TBCK: variants seen among roughly 807,000 people sequenced by gnomAD.
The protein encoded by TBCK is TBC1 domain containing kinase, also known as TBC domain-containing protein kinase-like protein.
Under a neutral mutation model 113.4 loss-of-function variants are expected in TBCK, and 99 were observed. The ratio of observed to expected loss-of-function variants is 0.87; its 90% CI spans 0.74 to 1.03. The LOEUF (loss-of-function observed/expected upper bound fraction) is 1.03, where lower values mean the gene tolerates loss of function less well. TBCK is among the 50% of genes least tolerant of loss of function. The pLI is 0.00. For synonymous variants in TBCK, 369 were observed against 370.8 expected, an observed-to-expected ratio of 1.00 and a Z score of 0.05; for missense variants, 1,045 against 1,061.3, an observed-to-expected ratio of 0.98 and a Z score of 0.21.
intron 3 of TBCK, among the ~76,000 whole-genome samples, chr4:106,274,517 A>G (rs544226663): frequency 6.6e-6 from 1 of 152,346 alleles, no homozygotes; most frequent in South Asian, 2.1e-4. Context: ...GTACTAATAC[A>G]TGCTATAACA....
chr4:106,295,265 T>A, intron 2 of TBCK, 99 bp from the exon 3 acceptor site: 1 of 921,396 alleles, frequency 1.1e-6, no homozygotes, highest in South Asian at 2.3e-5. Context: ...ATAACACCCA[T>A]AACAATATTT....
At chr4:106,069,193 G>T (rs1661422941) in intron 25 of TBCK, among the ~76,000 whole-genome samples, 1 of 152,058 alleles carries the variant, frequency 6.6e-6, no homozygotes, top group South Asian at 2.1e-4. Flanking sequence ...CATTGCTTTT[G>T]GTGTTTTAGA....
chr4:106,305,109 G>A (rs574577350), intron 2 of TBCK, among the ~76,000 whole-genome samples: 1 of 151,950 alleles, frequency 6.6e-6, no homozygotes, highest in South Asian at 2.1e-4. Flanking sequence ...TGATTCCTGG[G>A]ACCTACCATT....
chr4:106,303,892 A>G (rs960660322), intron 2 of TBCK, among the ~76,000 whole-genome samples: 1 of 152,146 alleles, frequency 6.6e-6, no homozygotes, highest in African/African-American at 2.4e-5. Context: ...CTTTGACATC[A>G]GAGGGCCAAA....
chr4:106,109,557 A>G (rs1045309082), intron 24 of TBCK, among the ~76,000 whole-genome samples: 15 of 152,356 alleles, frequency 9.8e-5, no homozygotes, highest in Admixed American at 2.0e-4. Flanking sequence ...TGGTGATGGA[A>G]TAACTGGCTA....
intron 15 of TBCK, 39 bp from the exon 16 acceptor site, chr4:106,233,689 C>T (rs911228807): frequency 5.5e-6 from 8 of 1,454,314 alleles, no homozygotes; most frequent in Non-Finnish European, 6.6e-6. Context: ...TTTATCATAT[C>T]CTTAATACAA....
intron 15 of TBCK, among the ~76,000 whole-genome samples, chr4:106,233,871 G>A (rs1035343500): frequency 1.3e-5 from 2 of 151,918 alleles, no homozygotes; most frequent in Non-Finnish European, 2.9e-5. Context: ...ATTTTGCTGA[G>A]GCAAACTCTT....
intron 3 of TBCK, among the ~76,000 whole-genome samples, chr4:106,269,338 T>A (rs1333204006): frequency 6.6e-6 from 1 of 152,142 alleles, no homozygotes; most frequent in African/African-American, 2.4e-5. Context: ...ACTCATTAGT[T>A]TATAATTCCA....
chr4:106,251,538 A>T (rs1038804425), intron 6 of TBCK, among the ~76,000 whole-genome samples: 2 of 151,934 alleles, frequency 1.3e-5, no homozygotes, highest in Non-Finnish European at 2.9e-5. Flanking sequence ...TTTCATTTCA[A>T]TATCTTGTTA....
At chr4:106,156,717 C>T (rs753937150) in intron 23 of TBCK, among the ~76,000 whole-genome samples, 4 of 152,086 alleles carry the variant, frequency 2.6e-5, no homozygotes, top group Non-Finnish European at 4.4e-5. Context: ...AGCTCTTCAT[C>T]GAGCTTGTGG....
At chr4:106,105,254 G>A (rs1462076666) in intron 24 of TBCK, among the ~76,000 whole-genome samples, 1 of 152,212 alleles carries the variant, frequency 6.6e-6, no homozygotes, top group African/African-American at 2.4e-5. Context: ...CCTGGCTTGG[G>A]CCCACAGAAC....
At chr4:106,127,302 T>C (rs1398516729) in intron 23 of TBCK, among the ~76,000 whole-genome samples, 1 of 126,280 alleles carries the variant, frequency 7.9e-6, no homozygotes, top group East Asian at 2.2e-4. Flanking sequence ...ATAGGCAAAA[T>C]AATTTAATAA....
intron 22 of TBCK, among the ~76,000 whole-genome samples, chr4:106,180,592 C>A (rs1016969090): frequency 3.9e-5 from 6 of 151,918 alleles, no homozygotes; most frequent in African/African-American, 1.5e-4. Context: ...GTCCATGTGT[C>A]CTCATTGTTC....
At chr4:106,072,506 T>C (rs937012044) in intron 25 of TBCK, among the ~76,000 whole-genome samples, 1 of 152,230 alleles carries the variant, frequency 6.6e-6, no homozygotes, top group Non-Finnish European at 1.5e-5. Context: ...TAACCCAATC[T>C]TTCTCTCTGG....
At chr4:106,073,544 G>C (rs771884729) in intron 25 of TBCK, among the ~76,000 whole-genome samples, 4 of 152,202 alleles carry the variant, frequency 2.6e-5, no homozygotes, top group Non-Finnish European at 4.4e-5. Context: ...CTACTGGGAG[G>C]TATCTCCCAG....
At chr4:106,094,187 C>T (rs1740651661) in intron 25 of TBCK, among the ~76,000 whole-genome samples, 1 of 152,156 alleles carries the variant, frequency 6.6e-6, no homozygotes, top group African/African-American at 2.4e-5. Flanking sequence ...TCATGGACTT[C>T]ATACACACTC....
intron 22 of TBCK, among the ~76,000 whole-genome samples, chr4:106,178,047 T>A (rs1751895645): frequency 6.6e-6 from 1 of 151,370 alleles, no homozygotes; most frequent in African/African-American, 2.4e-5. Context: ...ACTTCTTTTG[T>A]TAAATTTGTT....
chr4:106,110,277 A>G (rs1742689239), intron 24 of TBCK, among the ~76,000 whole-genome samples: 1 of 152,208 alleles, frequency 6.6e-6, no homozygotes, highest in Non-Finnish European at 1.5e-5. Flanking sequence ...TCCATCATTC[A>G]GCCAGGGTCT....
chr4:106,056,002 T>C (rs1310989599), intron 25 of TBCK, among the ~76,000 whole-genome samples: 1 of 151,180 alleles, frequency 6.6e-6, no homozygotes, highest in Non-Finnish European at 1.5e-5. Context: ...CTTTTTTTCA[T>C]GTTCTGTAGA....
Sources: allele counts gnomAD v4.1 joint callset (sites outside exome capture counted in the v4.1 genomes callset), GRCh38; gene constraint gnomAD v4.1.1; transcripts MANE v1.5; gene names NCBI Gene and HGNC (gene_info 2026-07-23, HGNC 2026-07-21).